Variants in NID1 observed in about 807,000 individuals in gnomAD.
NID1 encodes nidogen-1.
A neutral mutation model predicts 130.6 loss-of-function variants in NID1; 76 were observed. The observed-to-expected ratio is 0.58, with a 90% CI of 0.48 to 0.70. The LOEUF (loss-of-function observed/expected upper bound fraction) is 0.70, where lower values mean the gene tolerates loss of function less well. NID1 is among the 30% of genes least tolerant of loss of function. NID1 has a pLI of 0.00. For synonymous variants in NID1, 665 were observed against 675.1 expected (o/e 0.98, Z 0.23); for missense variants, 1,517 against 1,664.8 (o/e 0.91, Z 1.54).
At chr1:236,055,388 AT>A (rs1435801306) in intron 1 of NID1, among the ~76,000 whole-genome samples, 12 of 152,154 alleles carry the variant, frequency 7.9e-5, no homozygotes, top group African/African-American at 2.4e-4. Context: ...ATGAAAGAAG[AT>A]TAGTCTCAAA....
Position 236,029,747 on chromosome 1 carries a change from C to T in NID1, c.1541G>A (p.Gly514Asp). Residue 514 changes from glycine (G) to aspartate (D), a missense_variant, in exon 7 of 20, where the codon GGT becomes GAT. Physicochemically the swap from Gly to Asp is moderately conservative, Grantham distance 94. This residue lies in a region of NID1 where 1,329 missense variants were observed against 1,429.2 expected (regional missense o/e 0.93). Coordinates refer to ENST00000264187, the MANE Select transcript of NID1 (RefSeq NM_002508.3). ...CACCTCAGCCTGGCGAGTGAACTCACCCCCTGAAAAACAAGATGAGACTGT... is the reference window on the plus strand; with the variant it reads ...CACCTCAGCCTGGCGAGTGAACTCATCCCCTGAAAAACAAGATGAGACTGT... Reference protein sequence around the residue: ...GFKNGFSITGGEFTRQAEVTF... With the variant: ...GFKNGFSITGDEFTRQAEVTF... 1.9e-6 allele frequency: 3 copies of T among 1,614,062 alleles called. No homozygotes were observed. The highest frequency in any genetic ancestry group is 2.2e-5 in the East Asian group (1 of 44,884).
At chr1:236,043,732 A>T (rs1659520924) in intron 3 of NID1, among the ~76,000 whole-genome samples, 1 of 152,140 alleles carries the variant, frequency 6.6e-6, no homozygotes. Context: ...CGGGAGGCAG[A>T]GCTTGCAGTG....
At chr1:235,987,235 G>A (rs1657599435) in intron 14 of NID1, among the ~76,000 whole-genome samples, 1 of 152,178 alleles carries the variant, frequency 6.6e-6, no homozygotes, top group African/African-American at 2.4e-5. Context: ...GAACTATGGT[G>A]ATACATAGAC....
intron 13 of NID1, among the ~76,000 whole-genome samples, chr1:235,993,121 G>C (rs1572581587): frequency 6.6e-6 from 1 of 152,266 alleles, no homozygotes; most frequent in Non-Finnish European, 1.5e-5. Flanking sequence ...TCCTTGGATT[G>C]GAAAATCAAC....
In NID1 at chr1:235,979,163, T is replaced by C. The variant is rs756586178; in HGVS notation, c.3510-56A>G. The C allele has an allele frequency of 2.9e-4, 330 of 1,127,176 alleles. No homozygotes were observed. The highest frequency in any genetic ancestry group is 4.0e-4 in the Non-Finnish European group (296 of 741,252). The allele number at this position is 1,127,176 out of a possible 1,614,324, so 69.8% of individuals were successfully genotyped here. A position where few individuals can be genotyped will look rare whatever the true frequency, so the allele number is the denominator to read the frequency against. On this transcript the variant is annotated intron_variant, in intron 18 of 19. Transcript: ENST00000264187. The surrounding 1 kb of genome is among the most constrained non-coding windows in gnomAD (Gnocchi z 4.6). ...ACACATCTGATGGCTTGAACTTGTATCTAAACAAGGCAGCCTCTTTGTCAT... is the reference window on the plus strand; with the variant it reads ...ACACATCTGATGGCTTGAACTTGTACCTAAACAAGGCAGCCTCTTTGTCAT...
chr1:236,000,092 T>C (rs963208113), intron 12 of NID1, among the ~76,000 whole-genome samples: 1 of 152,092 alleles, frequency 6.6e-6, no homozygotes, highest in Non-Finnish European at 1.5e-5. Context: ...TGGGCGCCTG[T>C]AATCCTAGCT....
At position 236,063,106 on chromosome 1, in the gene NID1, A is replaced by T. The variant is rs924156028; in HGVS notation, c.225+1749T>A. Among the ~76,000 whole-genome samples, 4 of 142,726 alleles carry T rather than the reference A, an allele frequency of 2.8e-5. No individual in the cohort carries two copies. In the South Asian group the frequency reaches 6.6e-4, roughly 23 times the overall value. The allele number at this position is 142,726 out of a possible 152,430, so 93.6% of individuals were successfully genotyped here. On this transcript the variant is annotated intron_variant, in intron 1 of 19. Coordinates refer to ENST00000264187, the MANE Select transcript of NID1 (RefSeq NM_002508.3). ...GAGGTGGAGGTTACAGTGAGCCAAG[A>T]TCTCGCCACTGCACTCCAGCTTGTG...
chr1:236,049,899 G>T (rs544178499), intron 1 of NID1, among the ~76,000 whole-genome samples: 1 of 152,006 alleles, frequency 6.6e-6, no homozygotes, highest in African/African-American at 2.4e-5. Context: ...TTAGCCGGGC[G>T]TGATGGCGGG....
chr1:236,005,006 C>T lies in NID1; in HGVS notation c.2527+6915G>A, dbSNP rs557134476. 3.7e-4 allele frequency among the ~76,000 whole-genome samples: 56 copies of T among 152,010 alleles called. No homozygotes were observed. The South Asian group carries it at 0.011, about 31-fold the overall frequency. On this transcript the variant is annotated intron_variant, in intron 12 of 19. Transcript: ENST00000264187. Reference sequence around the variant, plus strand: ...CCTGGCCAACACGGTGAAACCCCATCTCTACTAAAAATACAAAATTAGCTG... The same window carrying T: ...CCTGGCCAACACGGTGAAACCCCATTTCTACTAAAAATACAAAATTAGCTG...
chr1:236,027,499 T>C (rs1367511612), intron 7 of NID1, among the ~76,000 whole-genome samples: 2 of 152,154 alleles, frequency 1.3e-5, no homozygotes, highest in Non-Finnish European at 2.9e-5. Context: ...CTCCAGTAAT[T>C]GCTTCAACCT....
intron 9 of NID1, among the ~76,000 whole-genome samples, chr1:236,018,739 TAAAAC>T (rs1046933906): frequency 6.6e-6 from 1 of 152,240 alleles, no homozygotes; most frequent in Non-Finnish European, 1.5e-5. Context: ...GCCCCTAGCC[TAAAAC>T]AAATTTAGAC....
chr1:236,028,621 A>G (rs1481292794), intron 7 of NID1, among the ~76,000 whole-genome samples: 1 of 152,256 alleles, frequency 6.6e-6, no homozygotes, highest in East Asian at 1.9e-4. Context: ...CTTAGGAAAA[A>G]CAAATGAAGT....
intron 4 of NID1, 26 bp from the exon 5 acceptor site, chr1:236,038,279 C>A: frequency 6.2e-7 from 1 of 1,600,258 alleles, no homozygotes; most frequent in East Asian, 2.2e-5. Context: ...AATTGCACAC[C>A]TGTAAGCATT....
chr1:236,031,680 G>A lies in NID1; in HGVS notation c.1537+721C>T, dbSNP rs558653614. Reference sequence around the variant, plus strand: ...ACTCCAGGTCCTGGAAGTGACCAGCGATGAAGGACACAGACTCCTCCAACC... The same window carrying A: ...ACTCCAGGTCCTGGAAGTGACCAGCAATGAAGGACACAGACTCCTCCAACC... On this transcript the variant is annotated intron_variant, in intron 6 of 19. Transcript: ENST00000264187. Among the ~76,000 whole-genome samples the A allele has an allele frequency of 1.1e-4, 17 of 152,290 alleles. No individual in the cohort carries two copies. In the East Asian group the frequency reaches 1.2e-3, roughly 10 times the overall value.
intron 14 of NID1, among the ~76,000 whole-genome samples, chr1:235,987,011 T>C (rs1412850031): frequency 6.6e-6 from 1 of 152,214 alleles, no homozygotes; most frequent in East Asian, 1.9e-4. Flanking sequence ...CATTAGTTCT[T>C]ACAAAAGTGA....
At chr1:236,050,124 A>G (rs192601380) in intron 1 of NID1, among the ~76,000 whole-genome samples, 26 of 152,350 alleles carry the variant, frequency 1.7e-4, no homozygotes, top group African/African-American at 5.3e-4. Flanking sequence ...AATGTGTCCA[A>G]AGTTACCAAG....
rs1659127165 is a variant in NID1, at chr1:236,032,479, G to T, written c.1459C>A (p.Leu487Met). 1 of 1,614,092 alleles carries T rather than the reference G, an allele frequency of 6.2e-7. No individual in the cohort carries two copies. The highest frequency in any genetic ancestry group is 8.5e-7 in the Non-Finnish European group (1 of 1,180,048). ...PETVGYSLLP[L>M]APVGGIIGWM... The stretch of plus-strand genomic sequence containing the variant: ...CCAATGATGCCTCCAACTGGGGCCA[G>T]TGGAAGCAGAGAATATCCAACGGTC... Residue 487 changes from leucine to methionine, a missense_variant, in exon 6 of 20, where the codon CTG (leucine) becomes ATG (methionine). Transcript: ENST00000264187.
At chr1:235,994,653 GT>G (rs1463962353) in intron 12 of NID1, among the ~76,000 whole-genome samples, 1 of 149,388 alleles carries the variant, frequency 6.7e-6, no homozygotes, top group Non-Finnish European at 1.5e-5. Context: ...TTTTTTGTTT[GT>G]TTTTTCTAAA....
intron 1 of NID1, among the ~76,000 whole-genome samples, chr1:236,052,923 A>G (rs1044342452): frequency 1.3e-5 from 2 of 151,304 alleles, no homozygotes; most frequent in South Asian, 4.1e-4. Flanking sequence ...ATGAATGAAT[A>G]CAAATGATCA....
Sources: gnomAD v4.1 joint callset for allele counts (sites outside exome capture counted in the v4.1 genomes callset) on GRCh38, gnomAD v4.1.1 for gene constraint, gnomAD v4.1.1 regional missense constraint, Gnocchi (gnomAD v3.1) non-coding constraint, MANE v1.5 for transcripts, NCBI Gene and HGNC (gene_info 2026-07-23, HGNC 2026-07-21) for gene names.